The following ZNF638 variants were observed in gnomAD, a reference collection of about 807,000 sequenced individuals.
ZNF638 encodes the protein CTCL tumor antigen se33-1.
Under a neutral mutation model 195.6 loss-of-function variants are expected in ZNF638, and 46 were observed. The observed-to-expected ratio is 0.24, with a 90% CI of 0.19 to 0.30. The LOEUF is 0.30. Ranked by LOEUF, ZNF638 falls within the 10% of genes least tolerant of loss-of-function variation. ZNF638 has a pLI of 1.00. For missense variants in ZNF638, 2,440 were observed against 2,325.3 expected (o/e 1.05, Z -1.01); for synonymous variants, 845 against 772.0 (o/e 1.09, Z -1.57).
At chr2:71,417,241 C>CGG (rs2080316479) in intron 20 of ZNF638, among the ~76,000 whole-genome samples, 1 of 151,672 alleles carries the variant, frequency 6.6e-6, no homozygotes, top group Non-Finnish European at 1.5e-5. Context: ...CCCGATTTTC[C>CGG]AGGTGCGTCC....
intron 8 of ZNF638, among the ~76,000 whole-genome samples, chr2:71,377,197 G>A (rs776826497): frequency 6.6e-6 from 1 of 152,112 alleles, no homozygotes; most frequent in Non-Finnish European, 1.5e-5. Flanking sequence ...CCTGGGAGGC[G>A]GAGGTTGGCT....
At chr2:71,369,520 G>A (rs1392747428) in intron 7 of ZNF638, among the ~76,000 whole-genome samples, 1 of 152,074 alleles carries the variant, frequency 6.6e-6, no homozygotes, top group African/African-American at 2.4e-5. Flanking sequence ...CATAGTGATA[G>A]TGTTGTCTTT....
intron 15 of ZNF638, among the ~76,000 whole-genome samples, chr2:71,400,889 A>C (rs1016304744): frequency 6.6e-6 from 1 of 152,316 alleles, no homozygotes; most frequent in Middle Eastern, 3.4e-3. Flanking sequence ...GTTAATGGTT[A>C]GAATACCAGT....
intron 1 of ZNF638, chr2:71,341,641 C>G (rs1173891725): frequency 6.6e-6 from 1 of 152,200 alleles, no homozygotes; most frequent in Non-Finnish European, 1.5e-5. Context: ...GTTAATGCTA[C>G]TTAATTGCAG....
intron 20 of ZNF638, among the ~76,000 whole-genome samples, chr2:71,410,502 T>C (rs2080192598): frequency 6.6e-6 from 1 of 152,144 alleles, no homozygotes; most frequent in Non-Finnish European, 1.5e-5. Context: ...TGAACCACTG[T>C]GCTTGGCCCT....
chr2:71,332,939 C>T (rs2078598511), intron 1 of ZNF638: 1 of 152,124 alleles, frequency 6.6e-6, no homozygotes, highest in Non-Finnish European at 1.5e-5. Context: ...CCAACGAGCT[C>T]TGGAATTTTG....
chr2:71,393,348 T>C (rs967392154), intron 10 of ZNF638: 12 of 709,674 alleles, frequency 1.7e-5, no homozygotes, highest in Admixed American at 1.2e-4. Context: ...CCAAATGAAT[T>C]GCTAACGTGG....
rs556057199 is a variant in ZNF638, at chr2:71,339,383, C to T, written c.-203+7508C>T. Among the ~76,000 whole-genome samples, 4 of 152,252 alleles carry T rather than the reference C, an allele frequency of 2.6e-5. No individual in the cohort carries two copies. The East Asian group carries it at 7.7e-4, about 29-fold the overall frequency. On this transcript the variant is annotated intron_variant, in intron 1 of 27. Transcript: ENST00000264447. Reference sequence around the variant, plus strand: ...GGTCAGGCTGGTCTTGAATTCCTGACCTGGTGATCCGCCCTCCTCAGCCTC... The same window carrying T: ...GGTCAGGCTGGTCTTGAATTCCTGATCTGGTGATCCGCCCTCCTCAGCCTC...
At chr2:71,386,749 G>T (rs1266052968) in intron 10 of ZNF638, among the ~76,000 whole-genome samples, 1 of 152,124 alleles carries the variant, frequency 6.6e-6, no homozygotes, top group South Asian at 2.1e-4. Context: ...AAAAATGGTA[G>T]AAGTTATAAA....
chr2:71,340,262 A>AT (rs2078741592), intron 1 of ZNF638, among the ~76,000 whole-genome samples: 1 of 152,162 alleles, frequency 6.6e-6, no homozygotes, highest in Non-Finnish European at 1.5e-5. Flanking sequence ...ACATTTTGGC[A>AT]TTTTAACGTG....
In ZNF638 at chr2:71,342,876, A is replaced by AT. The variant is rs371726320; in HGVS notation, c.-202-5868dup. 8.7e-4 allele frequency among the ~76,000 whole-genome samples: 132 copies of AT among 151,164 alleles called. No individual in the cohort carries two copies. In the Middle Eastern group the frequency reaches 0.027, roughly 31 times the overall value. On this transcript the variant is annotated intron_variant, in intron 1 of 27. Transcript: ENST00000264447. The stretch of plus-strand genomic sequence containing the variant: ...GAAGACTAATGTTTTAGCTGAAGCT[A>AT]TTTTTTTTTGTCTTGAATATTATGC...
At chr2:71,384,351 G>A (rs889084735) in intron 10 of ZNF638, among the ~76,000 whole-genome samples, 2 of 152,130 alleles carry the variant, frequency 1.3e-5, no homozygotes, top group Admixed American at 6.6e-5. Context: ...AGCAACCAGT[G>A]GAATAAAGTC....
intron 10 of ZNF638, among the ~76,000 whole-genome samples, chr2:71,392,021 T>G (rs879559212): frequency 6.6e-6 from 1 of 152,234 alleles, no homozygotes; most frequent in Non-Finnish European, 1.5e-5. Flanking sequence ...AAAACACTAT[T>G]TGGCTATATC....
intron 8 of ZNF638, chr2:71,376,053 A>G (rs1387981245): frequency 6.6e-6 from 1 of 152,244 alleles, no homozygotes. Context: ...AGGAAATAGA[A>G]TGTTTCAAAT....
intron 3 of ZNF638, among the ~76,000 whole-genome samples, chr2:71,358,199 T>C (rs2079054906): frequency 6.6e-6 from 1 of 152,236 alleles, no homozygotes. Context: ...AGACACTGGC[T>C]ATTGGATCTA....
At chr2:71,341,709 G>T (rs1158211547) in intron 1 of ZNF638, 1 of 152,140 alleles carries the variant, frequency 6.6e-6, no homozygotes, top group Non-Finnish European at 1.5e-5. Flanking sequence ...CGTTTTTCCA[G>T]GTTATTTATT....
chr2:71,431,873 G>GT (rs1159669027), intron 26 of ZNF638, among the ~76,000 whole-genome samples: 1 of 152,190 alleles, frequency 6.6e-6, no homozygotes, highest in African/African-American at 2.4e-5. Context: ...GTTTTACACA[G>GT]TGGCATTTTT....
chr2:71,383,750 T>C (rs1228695026), intron 10 of ZNF638, among the ~76,000 whole-genome samples: 2 of 113,166 alleles, frequency 1.8e-5, no homozygotes, highest in African/African-American at 3.7e-5. Context: ...TTTTCTTTTT[T>C]TTTTTCTTTT....
intron 1 of ZNF638, among the ~76,000 whole-genome samples, chr2:71,347,612 A>G (rs2078871978): frequency 1.3e-5 from 2 of 152,220 alleles, no homozygotes; most frequent in African/African-American, 2.4e-5. Context: ...TGAGGTCCTG[A>G]TAGCACCAGC....
Sources: gnomAD v4.1 joint callset for allele counts (sites outside exome capture counted in the v4.1 genomes callset) on GRCh38, gnomAD v4.1.1 for gene constraint, MANE v1.5 for transcripts, NCBI Gene and HGNC (gene_info 2026-07-23, HGNC 2026-07-21) for gene names.